Variants in CUBN observed in about 807,000 individuals in gnomAD.
CUBN encodes cubilin, also known as 460 kDa receptor.
CUBN carries 282 observed loss-of-function variants against 405.3 expected under a neutral mutation model. That is an observed-to-expected ratio of 0.70 (90% confidence interval 0.63 to 0.77). The LOEUF (loss-of-function observed/expected upper bound fraction) is 0.77. CUBN is among the 30% of genes least tolerant of loss of function. The pLI is 0.00. For synonymous variants in CUBN, 1,684 were observed against 1,617.0 expected (o/e 1.04, Z -0.99); for missense variants, 4,514 against 4,475.2 (o/e 1.01, Z -0.25).
At chr10:17,029,206 T>C (rs75882103) in intron 27 of CUBN, among the ~76,000 whole-genome samples, 5,449 of 152,344 alleles carry the variant, frequency 0.036, 211 homozygotes, top group South Asian at 0.21. Flanking sequence ...AGAGGCTCTT[T>C]TGAAGGTTGG....
chr10:17,127,885 T>C lies in CUBN; in HGVS notation c.292A>G (p.Ser98Gly). Residue 98 changes from serine (S) to glycine (G), a missense_variant, in exon 3 of 67, where the codon AGT becomes GGT. By Grantham distance (56) the Ser-to-Gly change is moderately conservative (BLOSUM62 0). Coordinates refer to ENST00000377833, the MANE Select transcript of CUBN (RefSeq NM_001081.4). ...NKEDIIELKG[S>G]AIGLPQNISS... The stretch of plus-strand genomic sequence containing the variant: ...ATATTTTGAGGCAGACCAATTGCAC[T>C]CCCTTTTAACTCTATAATATCTTCT... The C allele has an allele frequency of 6.2e-7, 1 of 1,612,734 alleles. No individual in the cohort carries two copies. The highest frequency in any genetic ancestry group is 1.1e-5 in the South Asian group (1 of 90,954).
chr10:16,840,044 C>CT (rs1839294351), intron 62 of CUBN, among the ~76,000 whole-genome samples: 3 of 131,894 alleles, frequency 2.3e-5, no homozygotes, highest in Non-Finnish European at 3.0e-5. Flanking sequence ...GGAAGGGGAA[C>CT]ATCACACACC....
intron 29 of CUBN, among the ~76,000 whole-genome samples, chr10:16,988,559 T>C (rs978833793): frequency 6.6e-6 from 1 of 152,190 alleles, no homozygotes; most frequent in Non-Finnish European, 1.5e-5. Context: ...AAGTAATTCC[T>C]TGTGACTCTC....
chr10:17,126,689 A>G lies in CUBN; in HGVS notation c.387+72T>C. ...ATCATCCATTCACCTTCAAAATAAG[A>G]ATAGCAGCTCTATTAATGATTCTAG... On this transcript the variant is annotated intron_variant, in intron 4 of 66. Coordinates refer to ENST00000377833, the MANE Select transcript of CUBN (RefSeq NM_001081.4). The G allele has an allele frequency of 4.0e-6, 6 of 1,483,504 alleles. No individual in the cohort carries two copies. The South Asian group carries it at 5.7e-5, about 14-fold the overall frequency. The allele number at this position is 1,483,504 out of a possible 1,614,324, so 91.9% of individuals were successfully genotyped here. A position where few individuals can be genotyped will look rare whatever the true frequency, so the allele number is the denominator to read the frequency against.
intron 4 of CUBN, among the ~76,000 whole-genome samples, chr10:17,124,554 A>G (rs1217895180): frequency 1.0e-4 from 15 of 147,948 alleles, no homozygotes; most frequent in Admixed American, 7.4e-4. Flanking sequence ...TCAGCCTCCT[A>G]AGTAGCTGGG....
chr10:16,959,771 G>A (rs1263300208), intron 31 of CUBN, among the ~76,000 whole-genome samples: 4 of 152,130 alleles, frequency 2.6e-5, no homozygotes, highest in Non-Finnish European at 5.9e-5. Flanking sequence ...TTATCGATAT[G>A]AATTTCACCT....
chr10:17,068,673 A>G lies in CUBN; in HGVS notation c.2723T>C (p.Val908Ala). 1.9e-6 allele frequency: 3 copies of G among 1,613,044 alleles called. No homozygotes were observed. Among genetic ancestry groups the G allele is most frequent in the Non-Finnish European group, 2.5e-6 (3 of 1,179,152 alleles). Residue 908 changes from valine (V) to alanine (A), a missense_variant, in exon 20 of 67, where the codon GTC (valine) becomes GCC (alanine). Transcript: ENST00000377833. ...FITSVYNFLYVTFVKSSSTEN... is the reference protein window; with the variant it reads ...FITSVYNFLYATFVKSSSTEN... ...AGTAGAAGAACTTTTCACGAATGTG[A>G]CATAAAGAAAATTGTACACAGATGT...
intron 54 of CUBN, among the ~76,000 whole-genome samples, chr10:16,895,003 C>G (rs563501858): frequency 5.3e-5 from 8 of 152,260 alleles, no homozygotes; most frequent in Middle Eastern, 3.4e-3. Flanking sequence ...TTGAGGGAGA[C>G]AGAGCTTTCT....
In CUBN at chr10:17,082,042, T is replaced by C. The variant is rs149541773; in HGVS notation, c.2301+2229A>G. Among the ~76,000 whole-genome samples, 1,459 of 152,290 alleles carry C rather than the reference T, an allele frequency of 9.6e-3. 21 individuals carry two copies. Among genetic ancestry groups the C allele is most frequent in the African/African-American group, 0.033 (1,386 of 41,564 alleles). On this transcript the variant is annotated intron_variant, in intron 17 of 66. Transcript: ENST00000377833. ...ATATGTGGTTACATCAGAATGTAGA[T>C]ACCTCGCTGGCCAACTGTGACAGCC...
intron 4 of CUBN, among the ~76,000 whole-genome samples, chr10:17,125,058 C>T (rs993785588): frequency 6.6e-6 from 1 of 151,358 alleles, no homozygotes; most frequent in African/African-American, 2.4e-5. Context: ...TCTCAAACTC[C>T]CGACCTCACA....
In CUBN at chr10:16,856,907, C is replaced by T. The variant is rs145485701; in HGVS notation, c.9455-5464G>A. 2.6e-5 allele frequency among the ~76,000 whole-genome samples: 4 copies of T among 152,294 alleles called. No homozygotes were observed. In the East Asian group the frequency reaches 7.7e-4, roughly 29 times the overall value. On this transcript the variant is annotated intron_variant, in intron 59 of 66. Coordinates refer to ENST00000377833, the MANE Select transcript of CUBN (RefSeq NM_001081.4). ...CTGGTGCCTTAGGGAAATTCGAGCA[C>T]ACCTAGACAGCTTCCTTTCTACCAC... is the stretch of plus-strand genomic sequence containing the variant.
In CUBN at chr10:16,840,492, A is replaced by G. The variant is rs1839313875; in HGVS notation, c.9870T>C (p.Asn3290=). The change falls in exon 62 of 67, where the codon AAT becomes AAC. Residue 3290 remains asparagine (N), a synonymous_variant. Coordinates refer to ENST00000377833, the MANE Select transcript of CUBN (RefSeq NM_001081.4). ...GTYNATWTPQ[N]ISSPNSSDPD... ...GGTCTGATGAATTGGGTGATGAAAT[A>G]TTTTGTGGGGTCCAAGTTGCATTGT... 1 of 1,612,548 alleles carries G rather than the reference A, an allele frequency of 6.2e-7. No individual in the cohort carries two copies.
intron 27 of CUBN, among the ~76,000 whole-genome samples, chr10:17,032,967 T>G (rs1834817564): frequency 6.6e-6 from 1 of 152,198 alleles, no homozygotes; most frequent in Non-Finnish European, 1.5e-5. Flanking sequence ...GATCTCATGC[T>G]TCCTCCCCAG....
intron 27 of CUBN, among the ~76,000 whole-genome samples, chr10:17,030,688 G>C (rs1482344453): frequency 6.6e-6 from 1 of 152,170 alleles, no homozygotes; most frequent in African/African-American, 2.4e-5. Context: ...GGAAGCCGAG[G>C]TGTGTGGATC....
intron 27 of CUBN, among the ~76,000 whole-genome samples, chr10:17,032,938 A>G (rs766985559): frequency 1.3e-5 from 2 of 151,976 alleles, no homozygotes; most frequent in Admixed American, 1.3e-4. Context: ...TGTACCTCCT[A>G]AGTGCTCTGA....
At chr10:17,038,031 C>T (rs888299151) in intron 27 of CUBN, among the ~76,000 whole-genome samples, 15 of 151,968 alleles carry the variant, frequency 9.9e-5, no homozygotes, top group African/African-American at 2.2e-4. Flanking sequence ...CTCCGCCTCC[C>T]GGGTTCTAGT....
chr10:16,962,606 A>C (rs1196103697), intron 31 of CUBN, among the ~76,000 whole-genome samples: 1 of 152,194 alleles, frequency 6.6e-6, no homozygotes, highest in East Asian at 1.9e-4. Flanking sequence ...TGTCACCTCC[A>C]TAATGAGGTG....
At chr10:16,931,276 A>C (rs890159787) in intron 40 of CUBN, among the ~76,000 whole-genome samples, 23 of 151,676 alleles carry the variant, frequency 1.5e-4, no homozygotes, top group Admixed American at 1.2e-3. Context: ...AAAAAAAAAA[A>C]CATCAAATTT....
chr10:17,065,679 T>C (rs749442876), intron 21 of CUBN, 41 bp from the exon 22 acceptor site: 1 of 1,611,294 alleles, frequency 6.2e-7, no homozygotes, highest in East Asian at 2.2e-5. Flanking sequence ...GTATTTTAGT[T>C]TGGTATACTG....
Sources: gnomAD v4.1 joint callset for allele counts (sites outside exome capture counted in the v4.1 genomes callset) on GRCh38, gnomAD v4.1.1 for gene constraint, MANE v1.5 for transcripts, NCBI Gene and HGNC (gene_info 2026-07-23, HGNC 2026-07-21) for gene names.